CALCRL: variants seen among roughly 807,000 people sequenced by gnomAD.
CALCRL encodes calcitonin receptor like receptor.
A neutral mutation model predicts 60.4 loss-of-function variants in CALCRL; 27 were observed. The observed-to-expected ratio is 0.45, with a 90% CI of 0.33 to 0.62. CALCRL has a LOEUF of 0.62. CALCRL is among the 20% of genes least tolerant of loss of function. The pLI, the probability that CALCRL is intolerant of heterozygous loss-of-function variation, is 0.03. For synonymous variants in CALCRL, 190 were observed against 182.6 expected (o/e 1.04, Z -0.33); for missense variants, 424 against 540.7 (o/e 0.78, Z 2.14).
chr2:187,409,309 T>G (rs953666886), intron 1 of CALCRL, among the ~76,000 whole-genome samples: 2 of 152,192 alleles, frequency 1.3e-5, no homozygotes, highest in African/African-American at 4.8e-5. Flanking sequence ...GAAACGTTAT[T>G]AAGATCTAAA....
At position 187,402,843 on chromosome 2, in the gene CALCRL, C is replaced by A. The variant is rs750852786; in HGVS notation, c.-292-15087G>T. Among the ~76,000 whole-genome samples the A allele has an allele frequency of 2.0e-5, 3 of 151,722 alleles. 1 individual carries two copies. The highest frequency in any genetic ancestry group is 1.5e-5 in the Non-Finnish European group (1 of 67,828). ...GAATAATAATTGTAGGAAAATTATG[C>A]AGTAGAGCCATATGACAAAATTTTC... On this transcript the variant is annotated intron_variant, in intron 1 of 14. Coordinates refer to ENST00000392370, the MANE Select transcript of CALCRL (RefSeq NM_005795.6).
At chr2:187,397,099 C>G (rs1688689442) in intron 1 of CALCRL, among the ~76,000 whole-genome samples, 1 of 151,682 alleles carries the variant, frequency 6.6e-6, no homozygotes, top group African/African-American at 2.4e-5. Flanking sequence ...TTAGATAATA[C>G]AAACTTCTTA....
At chr2:187,392,048 C>A (rs1362142121) in intron 1 of CALCRL, among the ~76,000 whole-genome samples, 3 of 151,962 alleles carry the variant, frequency 2.0e-5, no homozygotes, top group African/African-American at 7.2e-5. Flanking sequence ...TATAAGAACA[C>A]AAAAAAACAT....
rs745591183 is a variant in CALCRL, at chr2:187,342,222, T to G, written c.*3962A>C. 2.6e-5 allele frequency among the ~76,000 whole-genome samples: 4 copies of G among 151,750 alleles called. No individual in the cohort carries two copies. The highest frequency in any genetic ancestry group is 3.0e-5 in the Non-Finnish European group (2 of 67,750). On this transcript the variant is annotated 3_prime_UTR_variant, in exon 15 of 15. Transcript: ENST00000392370. ...GAGACAGAATGTAAATTAGTGATGT[T>G]TATAGCTGAAATGAAAGTAGAGATA...
In CALCRL at chr2:187,344,718, T is replaced by C. The variant is rs1273835160; in HGVS notation, c.*1466A>G. ...GCTCTATTAAAATATTAAAGCATTG[T>C]ATATGGTATATATAGTATCCTTCTA... On this transcript the variant is annotated 3_prime_UTR_variant, in exon 15 of 15. Transcript: ENST00000392370. 1 of 151,774 alleles carries C rather than the reference T, an allele frequency of 6.6e-6. No individual in the cohort carries two copies. Among genetic ancestry groups the C allele is most frequent in the Non-Finnish European group, 1.5e-5 (1 of 67,756 alleles). The allele number at this position is 151,774 out of a possible 1,614,324, so 9.4% of individuals were successfully genotyped here.
intron 1 of CALCRL, among the ~76,000 whole-genome samples, chr2:187,433,643 A>T (rs930720332): frequency 6.6e-6 from 1 of 152,066 alleles, no homozygotes; most frequent in African/African-American, 2.4e-5. Context: ...TGGACAATAA[A>T]ATCCTAATCA....
In CALCRL at chr2:187,360,588, T is replaced by C; in HGVS notation, c.781+10A>G. On this transcript the variant is annotated intron_variant, in intron 10 of 14. Transcript: ENST00000392370. ...CCACTGAATCAACAAGTATGTATAA[T>C]AACACTTACCCCAGCCAAGAAAATA... is the stretch of plus-strand genomic sequence containing the variant. The C allele has an allele frequency of 1.2e-6, 2 of 1,604,380 alleles. No homozygotes were observed. Among genetic ancestry groups the C allele is most frequent in the Non-Finnish European group, 8.5e-7 (1 of 1,175,848 alleles).
rs1258684529 is a variant in CALCRL, at chr2:187,345,409, CT to C, written c.*774del. The C allele has an allele frequency of 6.6e-6, 1 of 152,220 alleles. No homozygotes were observed. Among genetic ancestry groups the C allele is most frequent in the African/African-American group, 2.4e-5 (1 of 41,396 alleles). 9.4% of individuals were successfully genotyped at this position (152,220 alleles called of 1,614,324 possible). ...ATTTACAGCTAGGAATTCCCTCCCA[CT>C]GTTTGGTAAGACAGGAAGAGGTTGA... On this transcript the variant is annotated 3_prime_UTR_variant, in exon 15 of 15. Coordinates refer to ENST00000392370, the MANE Select transcript of CALCRL (RefSeq NM_005795.6).
Position 187,380,491 on chromosome 2 carries a change from A to G in CALCRL, c.384T>C (p.Asn128=). ...CCTTCACTTTCTCGTGGGTGTTAAC[A>G]TTACACTGGGTATAATTTGTCCATG... ...NRTWTNYTQC[N]VNTHEKVKTA... Residue 128 remains asparagine, a synonymous_variant, in exon 7 of 15, where the codon AAT becomes AAC. Transcript: ENST00000392370. The G allele has an allele frequency of 1.2e-6, 2 of 1,608,380 alleles. No individual in the cohort carries two copies. Among genetic ancestry groups the G allele is most frequent in the East Asian group, 2.2e-5 (1 of 44,800 alleles).
At chr2:187,435,865 C>CGTGTGTGTGTGT (rs5837037) in intron 1 of CALCRL, among the ~76,000 whole-genome samples, 67 of 148,420 alleles carry the variant, frequency 4.5e-4, no homozygotes, top group African/African-American at 9.2e-4. Flanking sequence ...TGTGTTTGTG[C>CGTGTGTGTGTGT]GTGCGTGTGT....
rs1302515703 is a variant in CALCRL, at chr2:187,422,910, T to A, written c.-293+25129A>T. Among the ~76,000 whole-genome samples, 5 of 152,084 alleles carry A rather than the reference T, an allele frequency of 3.3e-5. No homozygotes were observed. In the East Asian group the frequency reaches 5.8e-4, roughly 18 times the overall value. On this transcript the variant is annotated intron_variant, in intron 1 of 14. Transcript: ENST00000392370. ...GGGGTATATTAAAAAGATAAAAGGA[T>A]CTTTGTAATCCTAAGGAGCTAGGAA...
At position 187,360,602 on chromosome 2, in the gene CALCRL, G is replaced by A. The variant is rs111617832; in HGVS notation, c.777C>T (p.Gly259=). Residue 259 remains glycine, a synonymous_variant, in exon 10 of 15, where the codon GGC becomes GGT. Coordinates refer to ENST00000392370, the MANE Select transcript of CALCRL (RefSeq NM_005795.6). The stretch of plus-strand genomic sequence containing the variant: ...AGTATGTATAATAACACTTACCCCA[G>A]CCAAGAAAATAATACCACATTAAAT... ...KQHLMWYYFL[G]WGFPLIPACI... 631 of 1,608,984 alleles carry A rather than the reference G, an allele frequency of 3.9e-4. 1 individual carries two copies. The African/African-American group carries it at 7.2e-3, about 18-fold the overall frequency.
At chr2:187,426,035 G>T (rs1690103501) in intron 1 of CALCRL, among the ~76,000 whole-genome samples, 1 of 151,370 alleles carries the variant, frequency 6.6e-6, no homozygotes, top group Non-Finnish European at 1.5e-5. Context: ...TCCTGTTATA[G>T]AATTTTATTC....
rs1183590132 is a variant in CALCRL, at chr2:187,378,997, C to G, written c.443G>C (p.Gly148Ala). 4.4e-6 allele frequency: 7 copies of G among 1,607,516 alleles called. No individual in the cohort carries two copies. Among genetic ancestry groups the G allele is most frequent in the Non-Finnish European group, 6.0e-6 (7 of 1,175,882 alleles). ...ALNLFYLTIIGHGLSIASLLI... is the reference protein window; with the variant it reads ...ALNLFYLTIIAHGLSIASLLI... ...CAGTGATGCAATAGACAATCCGTGT[C>G]CAATTATGGTCAGGTAAAACAAATT... Residue 148 changes from glycine (G) to alanine (A), a missense_variant, in exon 8 of 15, where the codon GGA becomes GCA. By Grantham distance (60) the Gly-to-Ala change is moderately conservative. Transcript: ENST00000392370.
chr2:187,430,702 T>G (rs1690363771), intron 1 of CALCRL, among the ~76,000 whole-genome samples: 1 of 152,010 alleles, frequency 6.6e-6, no homozygotes, highest in African/African-American at 2.4e-5. Context: ...TCATTTAAAG[T>G]TTTTTCTTCG....
At chr2:187,416,084 A>G (rs1396289445) in intron 1 of CALCRL, among the ~76,000 whole-genome samples, 4 of 152,212 alleles carry the variant, frequency 2.6e-5, no homozygotes, top group Admixed American at 1.3e-4. Context: ...TTATTGAAAA[A>G]TGCTAAGAGA....
chr2:187,438,745 C>T (rs1269133401), intron 1 of CALCRL, among the ~76,000 whole-genome samples: 2 of 152,016 alleles, frequency 1.3e-5, no homozygotes, highest in African/African-American at 2.4e-5. Context: ...TTCTCATTTA[C>T]CCTAATGTGA....
rs369468439 is a variant in CALCRL, at chr2:187,399,230, G to A, written c.-292-11474C>T. 2.6e-5 allele frequency among the ~76,000 whole-genome samples: 4 copies of A among 151,578 alleles called. No individual in the cohort carries two copies. The South Asian group carries it at 8.3e-4, about 31-fold the overall frequency. Reference sequence around the variant, plus strand: ...CTTTTACACCCAAAGCACATTCCATGCCCAGCAAATAGGAGTTCAAAACTG... The same window carrying A: ...CTTTTACACCCAAAGCACATTCCATACCCAGCAAATAGGAGTTCAAAACTG... On this transcript the variant is annotated intron_variant, in intron 1 of 14. Coordinates refer to ENST00000392370, the MANE Select transcript of CALCRL (RefSeq NM_005795.6).
chr2:187,351,638 C>T (rs1686537814), intron 14 of CALCRL, among the ~76,000 whole-genome samples: 1 of 151,764 alleles, frequency 6.6e-6, no homozygotes, highest in African/African-American at 2.4e-5. Context: ...AAAGCTCAGA[C>T]TTAATGGGAC....
Sources: allele counts gnomAD v4.1 joint callset (sites outside exome capture counted in the v4.1 genomes callset), GRCh38; gene constraint gnomAD v4.1.1; transcripts MANE v1.5; gene names NCBI Gene and HGNC (gene_info 2026-07-23, HGNC 2026-07-21).